KALRN: variants seen among roughly 807,000 people sequenced by gnomAD.
The protein encoded by KALRN is kalirin.
KALRN carries 70 observed loss-of-function variants against 353.7 expected under a neutral mutation model. That is an observed-to-expected ratio of 0.20 (90% CI 0.16 to 0.24). KALRN has a LOEUF of 0.24. Ranked by LOEUF, KALRN falls within the 10% of genes least tolerant of loss-of-function variation. The pLI, the probability that KALRN is intolerant of heterozygous loss-of-function variation, is 1.00. For missense variants in KALRN, 2,791 were observed against 3,756.7 expected, an observed-to-expected ratio of 0.74 and a Z score of 6.72; for synonymous variants, 1,391 against 1,434.8, an observed-to-expected ratio of 0.97 and a Z score of 0.69.
intron 33 of KALRN, among the ~76,000 whole-genome samples, chr3:124,524,099 A>G (rs544456635): frequency 4.6e-5 from 7 of 152,330 alleles, no homozygotes; most frequent in Admixed American, 3.9e-4. Context: ...ATGGCATGTT[A>G]TAGAACCACT....
At chr3:124,291,571 G>T (rs1447865480) in intron 5 of KALRN, among the ~76,000 whole-genome samples, 1 of 152,204 alleles carries the variant, frequency 6.6e-6, no homozygotes, top group Non-Finnish European at 1.5e-5. Flanking sequence ...ACCTGTTCTA[G>T]ATTGTGAGGA....
At chr3:124,518,588 C>A in intron 33 of KALRN, 1 of 1,587,732 alleles carries the variant, frequency 6.3e-7, no homozygotes, top group Non-Finnish European at 8.6e-7. Context: ...TGGGGTGCAG[C>A]CTTTGCTCAG....
At chr3:124,256,074 A>C (rs1440435962) in intron 3 of KALRN, among the ~76,000 whole-genome samples, 8 of 152,200 alleles carry the variant, frequency 5.3e-5, no homozygotes. Context: ...GGCGGTATGC[A>C]AGGTGGTTCA....
At chr3:124,612,286 C>T (rs2078079782) in intron 34 of KALRN, among the ~76,000 whole-genome samples, 1 of 152,188 alleles carries the variant, frequency 6.6e-6, no homozygotes, top group Admixed American at 6.5e-5. Context: ...TCACCACAAC[C>T]TCTGCCTCCC....
In KALRN at chr3:124,307,090, C is replaced by A. The variant is rs1002388389; in HGVS notation, c.1092+8177C>A. On this transcript the variant is annotated intron_variant, in intron 6 of 59. Transcript: ENST00000682506. ...AGCACTGATAAAGGTAATTATGTGA[C>A]TATAAAAGACAGTATAAACACACAT... Among the ~76,000 whole-genome samples, 6 of 152,086 alleles carry A rather than the reference C, an allele frequency of 3.9e-5. No homozygotes were observed. In the East Asian group the frequency reaches 7.7e-4, roughly 19 times the overall value.
intron 34 of KALRN, among the ~76,000 whole-genome samples, chr3:124,602,940 G>GT (rs577959368): frequency 0.21 from 7,636 of 35,622 alleles, 594 homozygotes; most frequent in African/African-American, 0.45. Context: ...AGTTTTCGTG[G>GT]TTTTTTTTTT....
chr3:124,372,963 T>A (rs1051411758), intron 10 of KALRN, among the ~76,000 whole-genome samples: 1 of 149,174 alleles, frequency 6.7e-6, no homozygotes, highest in Admixed American at 6.7e-5. Context: ...TTTTAAAACA[T>A]GTGGCTGCCA....
chr3:124,113,741 C>T (rs911568231), intron 1 of KALRN, among the ~76,000 whole-genome samples: 2 of 152,208 alleles, frequency 1.3e-5, no homozygotes, highest in African/African-American at 4.8e-5. Context: ...GCTCAGCCTG[C>T]GAGGCTCAAG....
At chr3:124,297,131 G>A (rs1381037398) in intron 5 of KALRN, among the ~76,000 whole-genome samples, 2 of 152,150 alleles carry the variant, frequency 1.3e-5, no homozygotes, top group East Asian at 3.8e-4. Flanking sequence ...CACCTCCAGC[G>A]GTCCCTGGCA....
At chr3:124,409,772 C>T (rs3755662) in intron 13 of KALRN, among the ~76,000 whole-genome samples, 56,603 of 151,844 alleles carry the variant, frequency 0.37, 10,876 homozygotes, top group Middle Eastern at 0.47. Context: ...GGAGGAAGAA[C>T]CTAATGAAAA....
At chr3:124,587,351 G>A (rs949805782) in intron 34 of KALRN, among the ~76,000 whole-genome samples, 1 of 152,202 alleles carries the variant, frequency 6.6e-6, no homozygotes, top group Non-Finnish European at 1.5e-5. Flanking sequence ...TGGTTCCCAA[G>A]GCAAGGGGAC....
intron 5 of KALRN, among the ~76,000 whole-genome samples, chr3:124,286,133 T>TTCTTTCTTTC (rs762238236): frequency 6.7e-6 from 1 of 150,324 alleles, no homozygotes; most frequent in African/African-American, 2.5e-5. Flanking sequence ...CTTTCTTTCT[T>TTCTTTCTTTC]TCTTTCCTTT....
At chr3:124,716,667 A>G (rs1429554064) in intron 58 of KALRN, among the ~76,000 whole-genome samples, 3 of 152,180 alleles carry the variant, frequency 2.0e-5, no homozygotes, top group Non-Finnish European at 4.4e-5. Flanking sequence ...TTGGCTAGGC[A>G]CAGTGGCCTC....
chr3:124,657,613 C>T, intron 40 of KALRN, 62 bp downstream of exon 40: 2 of 1,425,756 alleles, frequency 1.4e-6, no homozygotes, highest in Non-Finnish European at 2.0e-6. Context: ...GAGTCCTCTT[C>T]CTGCATCTGA....
intron 33 of KALRN, chr3:124,519,320 A>C: frequency 1.0e-6 from 1 of 984,682 alleles, no homozygotes; most frequent in Non-Finnish European, 1.2e-6. Flanking sequence ...GCAATTTTTC[A>C]TAATAAAAAA....
At chr3:124,240,379 G>A (rs2080284997) in intron 3 of KALRN, among the ~76,000 whole-genome samples, 1 of 152,198 alleles carries the variant, frequency 6.6e-6, no homozygotes. Flanking sequence ...CCAAGACACA[G>A]TTTATAAGGC....
At chr3:124,294,520 C>CTTTTTTA (rs2076687436) in intron 5 of KALRN, among the ~76,000 whole-genome samples, 7 of 73,894 alleles carry the variant, frequency 9.5e-5, no homozygotes, top group Admixed American at 2.0e-4. Flanking sequence ...AGATTCTCTT[C>CTTTTTTA]TTTTTTTTTT....
At chr3:124,217,436 A>C (rs757175910) in intron 1 of KALRN, among the ~76,000 whole-genome samples, 4 of 152,146 alleles carry the variant, frequency 2.6e-5, no homozygotes, top group African/African-American at 4.8e-5. Context: ...GGTTCATGCT[A>C]TCTCATTTCC....
chr3:124,455,695 T>C (rs1284181249), intron 22 of KALRN, among the ~76,000 whole-genome samples: 1 of 152,222 alleles, frequency 6.6e-6, no homozygotes, highest in Non-Finnish European at 1.5e-5. Flanking sequence ...AAGTACCATC[T>C]TCCACCCAAT....
Sources: gnomAD v4.1 joint callset for allele counts (sites outside exome capture counted in the v4.1 genomes callset) on GRCh38, gnomAD v4.1.1 for gene constraint, MANE v1.5 for transcripts, NCBI Gene and HGNC (gene_info 2026-07-23, HGNC 2026-07-21) for gene names.